The following ALDH3B2 variants were observed in gnomAD, a reference collection of about 807,000 sequenced individuals.
ALDH3B2 encodes the protein aldehyde dehydrogenase 3 family member B2, also known as aldehyde dehydrogenase family 3 member B2.
ALDH3B2 carries 45 observed loss-of-function variants against 36.7 expected under a neutral mutation model. The observed-to-expected ratio is 1.23, with a 90% CI of 0.97 to 1.57. ALDH3B2 has a LOEUF of 1.57. Ranked by LOEUF, ALDH3B2 falls within the 40% of genes most tolerant of loss-of-function variation. The pLI, the probability that ALDH3B2 is intolerant of heterozygous loss-of-function variation, is 0.00. For synonymous variants in ALDH3B2, 217 were observed against 226.5 expected, an observed-to-expected ratio of 0.96 and a Z score of 0.38; for missense variants, 464 against 513.3, an observed-to-expected ratio of 0.90 and a Z score of 0.93.
At chr11:67,663,910 G>A (rs878869511) in intron 8 of ALDH3B2, 149 bp from the exon 9 acceptor site, 1 of 657,960 alleles carries the variant, frequency 1.5e-6, no homozygotes, top group Non-Finnish European at 2.5e-6. Context: ...ATCTTCTGGG[G>A]ACAGCACCCT....
At chr11:67,676,846 A>G (rs114405788), upstream of ALDH3B2, among the ~76,000 whole-genome samples, 2,430 of 152,294 alleles carry the variant, frequency 0.016, 60 homozygotes, top group African/African-American at 0.056. Flanking sequence ...AAACTAGAAA[A>G]CCTAGAAGCA....
exon 9 of ALDH3B2, chr11:67,663,700 G>A: frequency 6.2e-7 from 1 of 1,613,168 alleles, no homozygotes. Context: ...AGATATGTAG[G>A]TGAAGCCCTC....
chr11:67,671,563 T>TG (rs1856115329), intron 1 of ALDH3B2, among the ~76,000 whole-genome samples: 1 of 150,616 alleles, frequency 6.6e-6, no homozygotes, highest in Admixed American at 6.6e-5. Context: ...TTTTTTTTTT[T>TG]GGAACGGAGT....
upstream of ALDH3B2, among the ~76,000 whole-genome samples, chr11:67,675,581 C>T (rs965165193): frequency 6.6e-6 from 1 of 152,178 alleles, no homozygotes; most frequent in Non-Finnish European, 1.5e-5. Context: ...GGAGGGACAT[C>T]TGAGATAACC....
At chr11:67,664,136 G>C (rs1161644819) in intron 8 of ALDH3B2, 1 of 600,098 alleles carries the variant, frequency 1.7e-6, no homozygotes. Context: ...GCTTGCCTGT[G>C]CAGAACCTTT....
intron 8 of ALDH3B2, 151 bp downstream of exon 8, chr11:67,664,245 G>T (rs1001348326): frequency 2.4e-6 from 3 of 1,233,600 alleles, no homozygotes; most frequent in East Asian, 4.7e-5. Context: ...GCATCCTTGC[G>T]CCGGATGCAG....
intron 2 of ALDH3B2, 65 bp from the exon 3 acceptor site, chr11:67,667,081 G>A: frequency 1.1e-6 from 1 of 904,874 alleles, no homozygotes; most frequent in Non-Finnish European, 1.7e-6. Flanking sequence ...TCTAGAATTT[G>A]AGGAGGGCAC....
chr11:67,670,831 A>G (rs1856089722), intron 1 of ALDH3B2, among the ~76,000 whole-genome samples: 1 of 152,184 alleles, frequency 6.6e-6, no homozygotes. Flanking sequence ...GGCCTGGAGG[A>G]GGACGCAGCA....
Position 67,666,586 on chromosome 11 carries a change from C to T in ALDH3B2, c.139G>A (p.Ala47Thr), listed in dbSNP as rs1140670. The change falls in exon 4 of 10, where the codon GCC becomes ACC. Residue 47 changes from alanine to threonine, a missense_variant. By Grantham distance (58) the Ala-to-Thr change is moderately conservative (BLOSUM62 0). Transcript: ENST00000349015. ...ACGCCCTCCTCACCTGCGGCGAGGG[C>T]GCCCACCAGGAGCACCAGGGTCAGG... The T allele has an allele frequency of 4.8e-5, 77 of 1,613,988 alleles. No homozygotes were observed. Among genetic ancestry groups the T allele is most frequent in the Middle Eastern group, 1.6e-4 (1 of 6,062 alleles).
In ALDH3B2 at chr11:67,664,378, A is replaced by G. The variant is rs1472627174; in HGVS notation, c.873+18T>C. 1.2e-6 allele frequency: 2 copies of G among 1,613,354 alleles called. No individual in the cohort carries two copies. Among genetic ancestry groups the G allele is most frequent in the Admixed American group, 3.3e-5 (2 of 59,998 alleles). Reference sequence around the variant, plus strand: ...CCTTTCAGCCCCTCCATTGCCCCCAACCCGGCCGCACCCCCACCTGGCTGC... The same window carrying G: ...CCTTTCAGCCCCTCCATTGCCCCCAGCCCGGCCGCACCCCCACCTGGCTGC... On this transcript the variant is annotated intron_variant, in intron 8 of 9. Coordinates refer to ENST00000349015, the Ensembl canonical transcript of ALDH3B2.
At chr11:67,678,722 T>TATATAC (rs1856315714), upstream of ALDH3B2, among the ~76,000 whole-genome samples, 1 of 150,120 alleles carries the variant, frequency 6.7e-6, no homozygotes, top group African/African-American at 2.5e-5. Flanking sequence ...TATATATATA[T>TATATAC]ACACGCTATG....
upstream of ALDH3B2, among the ~76,000 whole-genome samples, chr11:67,676,895 A>G (rs182104466): frequency 3.3e-5 from 5 of 152,316 alleles, no homozygotes; most frequent in Non-Finnish European, 4.4e-5. Context: ...CCCCTAGTTT[A>G]AATCAGGAAG....
intron 1 of ALDH3B2, among the ~76,000 whole-genome samples, chr11:67,672,720 G>C (rs1270683437): frequency 2.0e-5 from 3 of 151,428 alleles, no homozygotes; most frequent in Admixed American, 2.0e-4. Flanking sequence ...CTCCCGAGTA[G>C]CTGGTATTAT....
chr11:67,666,525 G>C lies in ALDH3B2; in HGVS notation c.151+49C>G, dbSNP rs774986866. The stretch of plus-strand genomic sequence containing the variant: ...AGCAAGATTCCAGGGGCCTCTTTGG[G>C]AGGGGCTACTGGGCGGGGAGAGCAT... On this transcript the variant is annotated intron_variant, in intron 4 of 9. Transcript: ENST00000349015. 4.8e-5 allele frequency: 77 copies of C among 1,611,608 alleles called. No individual in the cohort carries two copies. In the East Asian group the frequency reaches 1.2e-3, roughly 24 times the overall value.
In ALDH3B2 at chr11:67,665,334, G is replaced by T. The variant is rs141364277; in HGVS notation, c.657C>A (p.Cys219Ter). The T allele has an allele frequency of 6.2e-7, 1 of 1,611,790 alleles. No homozygotes were observed. Among genetic ancestry groups the T allele is most frequent in the Non-Finnish European group, 8.5e-7 (1 of 1,178,606 alleles). ...TCTGGCCCCCAATGGCCACGCGGCT[G>T]CAGCCCAGCAATGCCCGCAGCCGCT... Residue 219 changes from cysteine to a stop codon, truncating the protein, a stop_gained, in exon 7 of 10, where the codon TGC (cysteine) becomes TGA (stop). Coordinates refer to ENST00000349015, the Ensembl canonical transcript of ALDH3B2. LOFTEE classifies it high-confidence loss of function.
chr11:67,666,175 G>A (rs1272799480), exon 6 of ALDH3B2: 1 of 1,614,050 alleles, frequency 6.2e-7, no homozygotes, highest in African/African-American at 1.3e-5. Context: ...TGTCTCCTGG[G>A]GTCCGCCCAG....
At chr11:67,672,514 C>T (rs1447447906) in intron 1 of ALDH3B2, among the ~76,000 whole-genome samples, 4 of 151,876 alleles carry the variant, frequency 2.6e-5, no homozygotes, top group Non-Finnish European at 5.9e-5. Flanking sequence ...AGCTGTGTCC[C>T]GACCACCTTG....
At chr11:67,678,791 GTATATATATACACTAATGGTATA>G (rs1358174431), upstream of ALDH3B2, among the ~76,000 whole-genome samples, 8 of 104,642 alleles carry the variant, frequency 7.6e-5, no homozygotes, top group Non-Finnish European at 1.4e-4. Context: ...ACATACTATG[GTATATATATACACTAATGGTATA>G]TATATATATA....
At position 67,666,571 on chromosome 11, in the gene ALDH3B2, C is replaced by A; in HGVS notation, c.151+3G>T. The A allele has an allele frequency of 6.2e-7, 1 of 1,613,924 alleles. No individual in the cohort carries two copies. The highest frequency in any genetic ancestry group is 8.5e-7 in the Non-Finnish European group (1 of 1,179,860). On this transcript the variant is annotated splice_donor_region_variant and intron_variant, in intron 4 of 9. Coordinates refer to ENST00000349015, the Ensembl canonical transcript of ALDH3B2. ...AGCATGGGGTTCGGAACGCCCTCCT[C>A]ACCTGCGGCGAGGGCGCCCACCAGG...
Sources: gnomAD v4.1 joint callset for allele counts (sites outside exome capture counted in the v4.1 genomes callset) on GRCh38, gnomAD v4.1.1 for gene constraint, MANE v1.5 for transcripts, NCBI Gene and HGNC (gene_info 2026-07-23, HGNC 2026-07-21) for gene names.